UBASH3B: variants seen among roughly 807,000 people sequenced by gnomAD.
The protein encoded by UBASH3B is ubiquitin associated and SH3 domain containing B, also known as ubiquitin-associated and SH3 domain-containing protein B.
Under a neutral mutation model 83.4 loss-of-function variants are expected in UBASH3B, and 37 were observed. That is an observed-to-expected ratio of 0.44 (90% CI 0.34 to 0.58). UBASH3B has a LOEUF of 0.58. UBASH3B is among the 20% of genes least tolerant of loss of function. UBASH3B has a pLI of 0.01. For synonymous variants in UBASH3B, 304 were observed against 318.3 expected, an observed-to-expected ratio of 0.96 and a Z score of 0.48; for missense variants, 657 against 827.2, an observed-to-expected ratio of 0.79 and a Z score of 2.52.
In UBASH3B at chr11:122,694,033, C is replaced by T. The variant is rs76387375; in HGVS notation, c.161+37823C>T. 7.4e-3 allele frequency among the ~76,000 whole-genome samples: 1,128 copies of T among 152,196 alleles called. 37 individuals are homozygous for T. In the East Asian group the frequency reaches 0.11, roughly 15 times the overall value. ...CCCAGTCATAAGGTCGACTAGGGCACGCAGGTGGTATCAGGTGGCCCATGC... is the reference window on the plus strand; with the variant it reads ...CCCAGTCATAAGGTCGACTAGGGCATGCAGGTGGTATCAGGTGGCCCATGC... On this transcript the variant is annotated intron_variant, in intron 1 of 13. Coordinates refer to ENST00000284273, the MANE Select transcript of UBASH3B (RefSeq NM_032873.5).
At chr11:122,767,159 T>C (rs1274477082) in intron 1 of UBASH3B, among the ~76,000 whole-genome samples, 1 of 151,140 alleles carries the variant, frequency 6.6e-6, no homozygotes, top group Non-Finnish European at 1.5e-5. Flanking sequence ...ATGCCTGTAA[T>C]CCCAGCTACT....
chr11:122,701,029 G>T (rs1269909100), intron 1 of UBASH3B, among the ~76,000 whole-genome samples: 3 of 152,128 alleles, frequency 2.0e-5, no homozygotes, highest in Non-Finnish European at 4.4e-5. Context: ...GTGTTATGGG[G>T]TATATTTTCT....
In UBASH3B at chr11:122,724,917, C is replaced by T. The variant is rs190275430; in HGVS notation, c.162-51302C>T. Among the ~76,000 whole-genome samples, 29 of 151,950 alleles carry T rather than the reference C, an allele frequency of 1.9e-4. 1 individual carries two copies. Among genetic ancestry groups the T allele is most frequent in the East Asian group, 1.4e-3 (7 of 5,174 alleles). ...GCACTTGGGACTCACTGGGAGTGTT[C>T]GAAGAACAGGCTCAAATTTGTATGT... On this transcript the variant is annotated intron_variant, in intron 1 of 13. Transcript: ENST00000284273.
chr11:122,780,902 G>A (rs1272602139), intron 4 of UBASH3B, among the ~76,000 whole-genome samples: 1 of 152,238 alleles, frequency 6.6e-6, no homozygotes, highest in East Asian at 1.9e-4. Flanking sequence ...AGAGGGGGAA[G>A]ACCTGAGCAA....
At position 122,759,237 on chromosome 11, in the gene UBASH3B, G is replaced by C. The variant is rs1385163785; in HGVS notation, c.162-16982G>C. On this transcript the variant is annotated intron_variant, in intron 1 of 13. Coordinates refer to ENST00000284273, the MANE Select transcript of UBASH3B (RefSeq NM_032873.5). The surrounding 1 kb of genome is among the most constrained non-coding windows in gnomAD (Gnocchi z 4.1). ...ACAAGCCACTCTCAGGTCCTAACGA[G>C]GCTGCCTGCAGTTCCTTGCCACGTG... is the stretch of plus-strand genomic sequence containing the variant. Among the ~76,000 whole-genome samples, 2 of 152,314 alleles carry C rather than the reference G, an allele frequency of 1.3e-5. No individual in the cohort carries two copies. Among genetic ancestry groups the C allele is most frequent in the East Asian group, 3.9e-4 (2 of 5,184 alleles).
chr11:122,788,032 T>TTAATACATACCAG, intron 5 of UBASH3B, among the ~76,000 whole-genome samples: 1 of 152,158 alleles, frequency 6.6e-6, no homozygotes, highest in Non-Finnish European at 1.5e-5. Context: ...CCTATACCTG[T>TTAATACATACCAG]GATGTTAATA....
intron 1 of UBASH3B, among the ~76,000 whole-genome samples, chr11:122,771,174 C>G (rs1226051034): frequency 6.6e-6 from 1 of 151,872 alleles, no homozygotes; most frequent in South Asian, 2.1e-4. Context: ...TGGTGCCATT[C>G]TCTCTACTTC....
chr11:122,688,261 T>C (rs1863832854), intron 1 of UBASH3B, among the ~76,000 whole-genome samples: 1 of 151,916 alleles, frequency 6.6e-6, no homozygotes, highest in Non-Finnish European at 1.5e-5. Flanking sequence ...CTTCCCTTCC[T>C]TCCCTTCCTC....
intron 1 of UBASH3B, among the ~76,000 whole-genome samples, chr11:122,763,865 A>G (rs1164204151): frequency 6.6e-6 from 1 of 152,186 alleles, no homozygotes; most frequent in Non-Finnish European, 1.5e-5. Flanking sequence ...CCTCAGCCTC[A>G]TGGGGAGAAG....
chr11:122,746,710 C>T (rs185527674), intron 1 of UBASH3B, among the ~76,000 whole-genome samples: 1 of 152,192 alleles, frequency 6.6e-6, no homozygotes, highest in African/African-American at 2.4e-5. Flanking sequence ...GTGGGGAAGT[C>T]GGGAGGATTT....
chr11:122,792,174 A>G (rs561215210), intron 6 of UBASH3B, among the ~76,000 whole-genome samples: 1 of 152,292 alleles, frequency 6.6e-6, no homozygotes, highest in South Asian at 2.1e-4. Context: ...GAGGGAGAGA[A>G]GGGATCCTAT....
intron 1 of UBASH3B, among the ~76,000 whole-genome samples, chr11:122,732,795 G>C (rs570005309): frequency 5.1e-4 from 77 of 152,256 alleles, no homozygotes; most frequent in African/African-American, 1.6e-3. Context: ...GTTTTCCCTG[G>C]AATTTCCCAT....
chr11:122,690,214 T>TATATATAATTATATA (rs1863873410), intron 1 of UBASH3B, among the ~76,000 whole-genome samples: 5 of 52,674 alleles, frequency 9.5e-5, no homozygotes, highest in Non-Finnish European at 1.6e-4. Flanking sequence ...ATATATCCAA[T>TATATATAATTATATA]TATATATATA....
At chr11:122,734,810 AAG>A (rs1426409827) in intron 1 of UBASH3B, among the ~76,000 whole-genome samples, 15 of 150,996 alleles carry the variant, frequency 9.9e-5, no homozygotes, top group Non-Finnish European at 1.3e-4. Context: ...AAAAAAAAAA[AAG>A]AAAAAGAAAA....
chr11:122,808,062 C>G lies in UBASH3B; in HGVS notation c.1703-5C>G. 2 of 1,611,686 alleles carry G rather than the reference C, an allele frequency of 1.2e-6. No homozygotes were observed. The highest frequency in any genetic ancestry group is 2.2e-5 in the South Asian group (2 of 91,020). On this transcript the variant is annotated splice_region_variant and splice_polypyrimidine_tract_variant and intron_variant, in intron 12 of 13. Transcript: ENST00000284273. ...GTCTTCCCATACCTTGCCATTTTCC[C>G]CCAGGAAATAACATCCTGATTGTGG...
chr11:122,738,887 CAAA>C (rs35957240), intron 1 of UBASH3B, among the ~76,000 whole-genome samples: 34 of 139,490 alleles, frequency 2.4e-4, no homozygotes, highest in Middle Eastern at 3.6e-3. Flanking sequence ...AACTCTGTCT[CAAA>C]AAAAAAAAAA....
At chr11:122,691,019 C>T (rs1187663244) in intron 1 of UBASH3B, among the ~76,000 whole-genome samples, 1 of 152,166 alleles carries the variant, frequency 6.6e-6, no homozygotes, top group Non-Finnish European at 1.5e-5. Context: ...AGAACCAAAC[C>T]CCGGGTCTTC....
chr11:122,776,146 A>C, intron 1 of UBASH3B, 73 bp from the exon 2 acceptor site: 1 of 1,413,054 alleles, frequency 7.1e-7, no homozygotes, highest in Non-Finnish European at 9.9e-7. Context: ...CGCCTCCTTC[A>C]CACTCAGCTC....
intron 1 of UBASH3B, among the ~76,000 whole-genome samples, chr11:122,663,765 T>C (rs1863479172): frequency 6.6e-6 from 1 of 152,252 alleles, no homozygotes; most frequent in Admixed American, 6.5e-5. Flanking sequence ...TCTGAACTTG[T>C]GGCAGCCTGG....
Sources: gnomAD v4.1 joint callset for allele counts (sites outside exome capture counted in the v4.1 genomes callset) on GRCh38, gnomAD v4.1.1 for gene constraint, Gnocchi (gnomAD v3.1) non-coding constraint, MANE v1.5 for transcripts, NCBI Gene and HGNC (gene_info 2026-07-23, HGNC 2026-07-21) for gene names.